ECHS1: variants seen among roughly 807,000 people sequenced by gnomAD.
The protein encoded by ECHS1 is enoyl-CoA hydratase, short chain 1.
ECHS1 carries 19 observed loss-of-function variants against 33.5 expected under a neutral mutation model. The ratio of observed to expected loss-of-function variants is 0.57; its 90% CI spans 0.40 to 0.83. ECHS1 has a LOEUF of 0.83. ECHS1 is among the 40% of genes least tolerant of loss of function. The probability of loss-of-function intolerance (pLI) is 0.00; values close to 1 mark genes in which losing one functional copy is unlikely to be tolerated. For missense variants in ECHS1, 365 were observed against 381.3 expected (o/e 0.96, Z 0.36); for synonymous variants, 158 against 146.6 (o/e 1.08, Z -0.56).
At position 133,368,903 on chromosome 10, in the gene ECHS1, G is replaced by A; in HGVS notation, c.514+20C>T. On this transcript the variant is annotated intron_variant, in intron 4 of 7. Coordinates refer to ENST00000368547, the MANE Select transcript of ECHS1 (RefSeq NM_004092.4). ...GTAATTACCTAAGGCATCTATGCCA[G>A]AGACAGTGTCACTCTTTACCTGGGA... 1 of 1,608,448 alleles carries A rather than the reference G, an allele frequency of 6.2e-7. No individual in the cohort carries two copies. The highest frequency in any genetic ancestry group is 1.1e-5 in the South Asian group (1 of 90,982).
At chr10:133,363,367 A>G (rs1330052435) in intron 7 of ECHS1, among the ~76,000 whole-genome samples, 1 of 77,344 alleles carries the variant, frequency 1.3e-5, no homozygotes, top group Non-Finnish European at 3.1e-5. Context: ...ACACACACAC[A>G]CACACACACA....
At chr10:133,364,580 T>C in intron 7 of ECHS1, 78 bp downstream of exon 7, 2 of 1,160,362 alleles carry the variant, frequency 1.7e-6, no homozygotes, top group Non-Finnish European at 2.6e-6. Flanking sequence ...TACTTAATGA[T>C]AAAATTTAAA....
At chr10:133,365,631 G>A (rs761132602) in intron 6 of ECHS1, among the ~76,000 whole-genome samples, 20 of 152,222 alleles carry the variant, frequency 1.3e-4, no homozygotes, top group Non-Finnish European at 2.4e-4. Flanking sequence ...CCCAGGTCTC[G>A]GGAGGTGAAC....
intron 7 of ECHS1, among the ~76,000 whole-genome samples, chr10:133,363,779 G>A (rs532196431): frequency 2.0e-5 from 3 of 152,128 alleles, no homozygotes; most frequent in Non-Finnish European, 4.4e-5. Flanking sequence ...GCAAGACTCT[G>A]CCTCAAAGGG....
chr10:133,366,884 C>T lies in ECHS1; in HGVS notation c.619+5G>A, dbSNP rs1231819656. The T allele has an allele frequency of 6.2e-7, 1 of 1,608,766 alleles. No homozygotes were observed. Among genetic ancestry groups the T allele is most frequent in the Non-Finnish European group, 8.5e-7 (1 of 1,178,296 alleles). ...GTGGCTCTTGCGGGCAGCCCCAACCCATACCTGCTTGCTTGGCGTCCTGGG... is the reference window on the plus strand; with the variant it reads ...GTGGCTCTTGCGGGCAGCCCCAACCTATACCTGCTTGCTTGGCGTCCTGGG... On this transcript the variant is annotated splice_donor_5th_base_variant and intron_variant, in intron 5 of 7. Transcript: ENST00000368547.
chr10:133,370,804 A>C, intron 1 of ECHS1, 47 bp from the exon 2 acceptor site: 1 of 1,565,552 alleles, frequency 6.4e-7, no homozygotes, highest in Non-Finnish European at 8.7e-7. Flanking sequence ...CAGGTATCAA[A>C]CTGGGGAGAG....
chr10:133,368,305 C>A (rs548557645), intron 4 of ECHS1, among the ~76,000 whole-genome samples: 1 of 152,160 alleles, frequency 6.6e-6, no homozygotes, highest in Non-Finnish European at 1.5e-5. Context: ...AGACCCGAAA[C>A]AAATGCACCG....
At chr10:133,364,171 C>T (rs1849001138) in intron 7 of ECHS1, among the ~76,000 whole-genome samples, 3 of 152,086 alleles carry the variant, frequency 2.0e-5, no homozygotes, top group African/African-American at 7.2e-5. Context: ...TTTCAAACTC[C>T]TGAGCTCAGG....
intron 7 of ECHS1, among the ~76,000 whole-genome samples, chr10:133,363,355 G>GCACA (rs906664996): frequency 0.012 from 1,799 of 144,968 alleles, 38 homozygotes; most frequent in African/African-American, 0.042. Context: ...GTGCGCGCGC[G>GCACA]CACACACACA....
Position 133,366,063 on chromosome 10 carries a change from G to C in ECHS1, c.652C>G (p.Leu218Val). ...LVSKICPVET[L>V]VEEAIQCAEK... ...GCACACTGGATGGCTTCTTCCACCA[G>C]TGTCTCAACAGGACAAATCTTGCTG... Residue 218 changes from leucine to valine, a missense_variant, in exon 6 of 8, where the codon CTG becomes GTG. Leu to Val is a conservative substitution (Grantham distance 32). Transcript: ENST00000368547. 3 of 1,613,856 alleles carry C rather than the reference G, an allele frequency of 1.9e-6. No individual in the cohort carries two copies. The highest frequency in any genetic ancestry group is 2.5e-6 in the Non-Finnish European group (3 of 1,180,018).
intron 3 of ECHS1, among the ~76,000 whole-genome samples, chr10:133,369,334 G>A (rs764153639): frequency 7.9e-5 from 12 of 151,850 alleles, no homozygotes; most frequent in East Asian, 1.9e-4. Context: ...TGGCTGTGCC[G>A]GGAAAACTCC....
intron 3 of ECHS1, 108 bp downstream of exon 3, chr10:133,369,796 T>C: frequency 6.9e-7 from 1 of 1,450,066 alleles, no homozygotes; most frequent in Non-Finnish European, 9.3e-7. Flanking sequence ...AGGAGGCTGC[T>C]GGCCTGGGAA....
At chr10:133,372,081 T>C (rs1388640047) in intron 1 of ECHS1, among the ~76,000 whole-genome samples, 1 of 152,188 alleles carries the variant, frequency 6.6e-6, no homozygotes. Context: ...CATTAGCCAC[T>C]GTGCCCCGCC....
chr10:133,367,075 A>G (rs2133440719), intron 4 of ECHS1, 82 bp from the exon 5 acceptor site: 2 of 1,169,648 alleles, frequency 1.7e-6, no homozygotes, highest in East Asian at 2.6e-5. Flanking sequence ...AGCAAATTCC[A>G]AGGGGCTTAA....
intron 3 of ECHS1, among the ~76,000 whole-genome samples, chr10:133,369,260 C>T (rs562210309): frequency 6.6e-6 from 1 of 152,274 alleles, no homozygotes; most frequent in East Asian, 1.9e-4. Context: ...GGCTCTGCTG[C>T]CACGACTCAA....
intron 4 of ECHS1, among the ~76,000 whole-genome samples, chr10:133,368,313 C>A (rs1849058464): frequency 6.6e-6 from 1 of 152,134 alleles, no homozygotes; most frequent in Non-Finnish European, 1.5e-5. Context: ...AACAAATGCA[C>A]CGAGCTCACA....
At chr10:133,373,127 TGGGGTCAGGTGGGGGATGC>T (rs988221900) in intron 1 of ECHS1, 100 bp downstream of exon 1, 28 of 503,074 alleles carry the variant, frequency 5.6e-5, no homozygotes, top group East Asian at 1.7e-4. Flanking sequence ...GGGTGTGGGT[TGGGGTCAGGTGGGGGATGC>T]GGGGTCAGGT....
rs1435032117 is a variant in ECHS1, at chr10:133,363,406, G to A, written c.808-473C>T. 1.0e-4 allele frequency among the ~76,000 whole-genome samples: 15 copies of A among 148,676 alleles called. 1 individual carries two copies. Among genetic ancestry groups the A allele is most frequent in the Admixed American group, 9.4e-4 (14 of 14,882 alleles). ...ACACGCATCTGTACCCCTTCCTCAGGTGCCCAAACCACTTTTAATTTTTAT... is the reference window on the plus strand; with the variant it reads ...ACACGCATCTGTACCCCTTCCTCAGATGCCCAAACCACTTTTAATTTTTAT... On this transcript the variant is annotated intron_variant, in intron 7 of 7. Coordinates refer to ENST00000368547, the MANE Select transcript of ECHS1 (RefSeq NM_004092.4).
intron 6 of ECHS1, among the ~76,000 whole-genome samples, chr10:133,365,358 G>C (rs1001384659): frequency 1.3e-5 from 2 of 152,212 alleles, no homozygotes; most frequent in East Asian, 3.9e-4. Flanking sequence ...CCACACCCTC[G>C]AGATAAATGC....
Sources: allele counts gnomAD v4.1 joint callset (sites outside exome capture counted in the v4.1 genomes callset), GRCh38; gene constraint gnomAD v4.1.1; transcripts MANE v1.5; gene names NCBI Gene and HGNC (gene_info 2026-07-23, HGNC 2026-07-21).